Variants in NDUFAF2 observed in about 807,000 individuals in gnomAD.
NDUFAF2 encodes NADH:ubiquinone oxidoreductase complex assembly factor 2.
Under a neutral mutation model 22.8 loss-of-function variants are expected in NDUFAF2, and 13 were observed. The ratio of observed to expected loss-of-function variants is 0.57; its 90% CI spans 0.37 to 0.91. NDUFAF2 has a LOEUF of 0.91. Among genes scored for constraint, NDUFAF2 ranks in the 40% least tolerant of loss-of-function variants. The pLI, the probability that NDUFAF2 is intolerant of heterozygous loss-of-function variation, is 0.01. For missense variants in NDUFAF2, 162 were observed against 195.2 expected, an observed-to-expected ratio of 0.83 and a Z score of 1.01; for synonymous variants, 53 against 64.2, an observed-to-expected ratio of 0.83 and a Z score of 0.84.
intron 1 of NDUFAF2, among the ~76,000 whole-genome samples, chr5:60,952,301 A>C (rs1235287876): frequency 6.6e-6 from 1 of 151,952 alleles, no homozygotes; most frequent in Non-Finnish European, 1.5e-5. Context: ...CACTGAGATC[A>C]TAATTTGATC....
At chr5:61,152,618 ATGTAT>A in intron 3 of NDUFAF2, 81 bp from the exon 4 acceptor site, 1 of 914,148 alleles carries the variant, frequency 1.1e-6, no homozygotes, top group Non-Finnish European at 1.6e-6. Flanking sequence ...TATGTATATA[ATGTAT>A]TTTATTTTTA....
At chr5:61,013,697 A>T (rs891571820) in intron 1 of NDUFAF2, among the ~76,000 whole-genome samples, 44 of 115,410 alleles carry the variant, frequency 3.8e-4, no homozygotes, top group African/African-American at 1.3e-3. Flanking sequence ...TCCTAACTTT[A>T]TCTCCTTTTT....
intron 1 of NDUFAF2, among the ~76,000 whole-genome samples, chr5:61,049,377 C>A (rs1237422369): frequency 6.6e-6 from 1 of 152,060 alleles, no homozygotes; most frequent in Admixed American, 6.6e-5. Context: ...TTTTTACCCT[C>A]CGAAATTTGA....
At chr5:60,983,748 C>T (rs1242040447) in intron 1 of NDUFAF2, among the ~76,000 whole-genome samples, 6 of 150,122 alleles carry the variant, frequency 4.0e-5, no homozygotes, top group Admixed American at 2.0e-4. Flanking sequence ...CTGTTCTGTT[C>T]CATTGGTCTA....
chr5:61,023,936 A>G (rs1289424570), intron 1 of NDUFAF2, among the ~76,000 whole-genome samples: 1 of 152,208 alleles, frequency 6.6e-6, no homozygotes, highest in Admixed American at 6.5e-5. Flanking sequence ...TAAAGCCTAG[A>G]GCTGAGTTTG....
intron 1 of NDUFAF2, among the ~76,000 whole-genome samples, chr5:61,014,884 C>G (rs1021483251): frequency 1.3e-5 from 2 of 152,140 alleles, no homozygotes; most frequent in African/African-American, 4.8e-5. Flanking sequence ...ATCCATATAA[C>G]AGATCTTTGG....
intron 1 of NDUFAF2, among the ~76,000 whole-genome samples, chr5:60,981,583 G>C (rs1750978066): frequency 6.6e-6 from 1 of 152,226 alleles, no homozygotes; most frequent in Non-Finnish European, 1.5e-5. Context: ...ATCTTAAGTA[G>C]AAAGACAAAA....
chr5:61,093,236 A>G (rs543064398), intron 2 of NDUFAF2, among the ~76,000 whole-genome samples: 1 of 152,320 alleles, frequency 6.6e-6, no homozygotes, highest in Admixed American at 6.5e-5. Context: ...TGCCTCTCCC[A>G]GTCCACTGAC....
intron 1 of NDUFAF2, among the ~76,000 whole-genome samples, chr5:61,037,390 G>A (rs1751813183): frequency 6.6e-6 from 1 of 152,074 alleles, no homozygotes; most frequent in Non-Finnish European, 1.5e-5. Context: ...CTAGATGAAG[G>A]TGGAAACTCA....
intron 1 of NDUFAF2, among the ~76,000 whole-genome samples, chr5:61,001,144 T>C (rs1024293274): frequency 9.2e-5 from 14 of 152,118 alleles, no homozygotes; most frequent in Non-Finnish European, 2.1e-4. Context: ...GGGAGCCAAC[T>C]TGAGTTCCCC....
chr5:61,065,109 T>A (rs554557797), intron 1 of NDUFAF2, among the ~76,000 whole-genome samples: 93 of 151,928 alleles, frequency 6.1e-4, no homozygotes, highest in Non-Finnish European at 1.0e-3. Flanking sequence ...CTAGAGGAAA[T>A]GGATGAATTC....
chr5:60,966,135 T>G (rs1216172140), intron 1 of NDUFAF2, among the ~76,000 whole-genome samples: 1 of 152,222 alleles, frequency 6.6e-6, no homozygotes, highest in East Asian at 1.9e-4. Context: ...GTTGAATATT[T>G]TCTTCACATG....
chr5:61,119,143 C>T (rs1241917229), intron 3 of NDUFAF2, among the ~76,000 whole-genome samples: 1 of 152,122 alleles, frequency 6.6e-6, no homozygotes, highest in African/African-American at 2.4e-5. Flanking sequence ...ACCAAAAGCA[C>T]TTGAGGAATT....
chr5:61,074,481 G>A (rs1369127387), intron 2 of NDUFAF2, among the ~76,000 whole-genome samples: 1 of 152,176 alleles, frequency 6.6e-6, no homozygotes, highest in Non-Finnish European at 1.5e-5. Context: ...CAGCTACTCG[G>A]GAGGCTGAGG....
At chr5:61,084,136 T>A (rs1752477573) in intron 2 of NDUFAF2, among the ~76,000 whole-genome samples, 1 of 151,730 alleles carries the variant, frequency 6.6e-6, no homozygotes, top group Non-Finnish European at 1.5e-5. Flanking sequence ...TAAAAAGCTG[T>A]CTTCTATTCC....
intron 3 of NDUFAF2, among the ~76,000 whole-genome samples, chr5:61,133,049 C>G (rs946594590): frequency 6.6e-6 from 1 of 152,154 alleles, no homozygotes; most frequent in Non-Finnish European, 1.5e-5. Flanking sequence ...TATCTGCCTT[C>G]CCACAGTATC....
chr5:61,020,986 G>A (rs956883784), intron 1 of NDUFAF2, among the ~76,000 whole-genome samples: 2 of 143,156 alleles, frequency 1.4e-5, no homozygotes, highest in South Asian at 2.3e-4. Flanking sequence ...GAGCCACTGC[G>A]TCCAGCCTTT....
At chr5:61,146,433 G>A (rs1344856794) in intron 3 of NDUFAF2, 3 of 152,108 alleles carry the variant, frequency 2.0e-5, no homozygotes, top group Non-Finnish European at 4.4e-5. Flanking sequence ...TTCAGTTGAA[G>A]TATGTCCTTT....
chr5:60,994,911 G>A (rs551323785), intron 1 of NDUFAF2, among the ~76,000 whole-genome samples: 2 of 152,006 alleles, frequency 1.3e-5, no homozygotes, highest in African/African-American at 2.4e-5. Flanking sequence ...CTCTGATTGT[G>A]TATTTTCAAG....
Sources: gnomAD v4.1 joint callset for allele counts (sites outside exome capture counted in the v4.1 genomes callset) on GRCh38, gnomAD v4.1.1 for gene constraint, MANE v1.5 for transcripts, NCBI Gene and HGNC (gene_info 2026-07-23, HGNC 2026-07-21) for gene names.